CADM2: variants seen among roughly 807,000 people sequenced by gnomAD.
The protein encoded by CADM2 is cell adhesion molecule 2.
Under a neutral mutation model 49.8 loss-of-function variants are expected in CADM2, and 12 were observed. The observed-to-expected ratio is 0.24, with a 90% CI of 0.15 to 0.39. The LOEUF (loss-of-function observed/expected upper bound fraction) is 0.39, where lower values mean the gene tolerates loss of function less well. Among genes scored for constraint, CADM2 ranks in the 10% least tolerant of loss-of-function variants. The probability of loss-of-function intolerance (pLI) is 1.00; values close to 1 mark genes in which losing one functional copy is unlikely to be tolerated. For synonymous variants in CADM2, 214 were observed against 175.4 expected (o/e 1.22, Z -1.74); for missense variants, 378 against 492.3 (o/e 0.77, Z 2.20).
chr3:85,118,056 T>C (rs2038708787), intron 1 of CADM2, among the ~76,000 whole-genome samples: 1 of 152,090 alleles, frequency 6.6e-6, no homozygotes, highest in African/African-American at 2.4e-5. Flanking sequence ...AACTCTTCCC[T>C]GTACTATCCT....
chr3:85,450,954 A>G (rs898391092), intron 1 of CADM2, among the ~76,000 whole-genome samples: 3 of 152,120 alleles, frequency 2.0e-5, no homozygotes, highest in Non-Finnish European at 4.4e-5. Flanking sequence ...GAACAGTTTT[A>G]AATATTAAAT....
At position 86,014,504 on chromosome 3, in the gene CADM2, C is replaced by A. The variant is rs1731962541; in HGVS notation, c.971-51101C>A. The A allele has an allele frequency of 6.1e-5, 95 of 1,547,404 alleles. 1 individual carries two copies. The South Asian group carries it at 1.1e-3, about 18-fold the overall frequency. Reference sequence around the variant, plus strand: ...TTCAAATGAAACTCCCTGGAAAATACCACAGTGTTCACCAAGGTAACTTGG... The same window carrying A: ...TTCAAATGAAACTCCCTGGAAAATAACACAGTGTTCACCAAGGTAACTTGG... On this transcript the variant is annotated intron_variant, in intron 8 of 9. Coordinates refer to ENST00000383699, the MANE Select transcript of CADM2 (RefSeq NM_001167675.2).
chr3:85,843,871 C>A (rs979163314), intron 3 of CADM2, among the ~76,000 whole-genome samples: 6 of 150,412 alleles, frequency 4.0e-5, no homozygotes, highest in Non-Finnish European at 5.9e-5. Flanking sequence ...TCAGAAAGTG[C>A]AGTTTCATGT....
At chr3:85,647,859 G>A (rs373146720) in intron 1 of CADM2, among the ~76,000 whole-genome samples, 2 of 151,648 alleles carry the variant, frequency 1.3e-5, no homozygotes, top group Non-Finnish European at 3.0e-5. Context: ...AAAAATAAAA[G>A]AAAGGAATTG....
chr3:85,253,853 AAC>A (rs1198610110), intron 1 of CADM2, among the ~76,000 whole-genome samples: 1 of 152,132 alleles, frequency 6.6e-6, no homozygotes, highest in African/African-American at 2.4e-5. Context: ...AAGGATAAGA[AAC>A]ACAGAAAAGC....
chr3:85,146,495 G>T (rs997751376), intron 1 of CADM2, among the ~76,000 whole-genome samples: 2 of 151,812 alleles, frequency 1.3e-5, no homozygotes, highest in Admixed American at 6.6e-5. Context: ...ATTTATTCAC[G>T]TATCATGATA....
At chr3:85,008,953 G>T (rs1279942134) in intron 1 of CADM2, among the ~76,000 whole-genome samples, 1 of 152,122 alleles carries the variant, frequency 6.6e-6, no homozygotes, top group Non-Finnish European at 1.5e-5. Context: ...CAAAAGTGAG[G>T]ATCAGGGAAA....
At chr3:85,553,324 A>C (rs2029131) in intron 1 of CADM2, among the ~76,000 whole-genome samples, 77,579 of 151,650 alleles carry the variant, frequency 0.51, 22,891 homozygotes, top group East Asian at 0.85. Flanking sequence ...TTAAACAAAG[A>C]AGATACTATT....
At chr3:84,983,191 C>T (rs886817385) in intron 1 of CADM2, among the ~76,000 whole-genome samples, 3 of 151,916 alleles carry the variant, frequency 2.0e-5, no homozygotes. Flanking sequence ...CATTTTTGTA[C>T]TCTCACTAAA....
intron 1 of CADM2, among the ~76,000 whole-genome samples, chr3:85,311,468 C>T (rs1283375004): frequency 2.6e-5 from 4 of 151,714 alleles, no homozygotes; most frequent in Non-Finnish European, 4.4e-5. Context: ...CTCCGCCTCC[C>T]GGGTTCATGC....
At chr3:85,673,908 A>C (rs1276243677) in intron 1 of CADM2, among the ~76,000 whole-genome samples, 2 of 152,194 alleles carry the variant, frequency 1.3e-5, no homozygotes, top group Non-Finnish European at 2.9e-5. Flanking sequence ...TTGCCATTAA[A>C]AAATTTTAAC....
intron 1 of CADM2, among the ~76,000 whole-genome samples, chr3:85,635,071 C>G (rs961652335): frequency 1.3e-5 from 2 of 152,000 alleles, no homozygotes; most frequent in Non-Finnish European, 1.5e-5. Flanking sequence ...ATATTAAAGG[C>G]TTAAATGAAT....
chr3:85,877,683 TG>T (rs1331072075), intron 3 of CADM2, among the ~76,000 whole-genome samples: 16 of 108,392 alleles, frequency 1.5e-4, no homozygotes, highest in East Asian at 5.5e-4. Context: ...TTTTTTCTTC[TG>T]TTTTTTTTTT....
At chr3:85,701,477 T>A (rs2066751915) in intron 1 of CADM2, among the ~76,000 whole-genome samples, 1 of 141,802 alleles carries the variant, frequency 7.1e-6, no homozygotes, top group Admixed American at 7.0e-5. Flanking sequence ...CTTATTAGGC[T>A]GTATTTTTTT....
chr3:85,569,546 C>T (rs981780648), intron 1 of CADM2, among the ~76,000 whole-genome samples: 2 of 152,134 alleles, frequency 1.3e-5, no homozygotes, highest in Non-Finnish European at 2.9e-5. Flanking sequence ...CAGCAATATA[C>T]GAGTGACCCT....
intron 1 of CADM2, among the ~76,000 whole-genome samples, chr3:85,470,501 A>G (rs1206290455): frequency 1.3e-5 from 2 of 152,200 alleles, no homozygotes; most frequent in Non-Finnish European, 2.9e-5. Flanking sequence ...TTTAGGGAAG[A>G]CTTTGTGAGA....
At chr3:85,895,524 G>C (rs1262256741) in intron 5 of CADM2, among the ~76,000 whole-genome samples, 6 of 152,174 alleles carry the variant, frequency 3.9e-5, no homozygotes, top group Admixed American at 3.9e-4. Context: ...GTGGACTTTT[G>C]AGTTAATGCT....
chr3:85,637,083 TC>T (rs1407270381), intron 1 of CADM2, among the ~76,000 whole-genome samples: 1 of 151,760 alleles, frequency 6.6e-6, no homozygotes, highest in Non-Finnish European at 1.5e-5. Context: ...TTCTACTCTT[TC>T]CTTTTTGGTA....
intron 8 of CADM2, among the ~76,000 whole-genome samples, chr3:86,018,568 T>A (rs1264862168): frequency 6.6e-6 from 1 of 152,214 alleles, no homozygotes; most frequent in Non-Finnish European, 1.5e-5. Context: ...ATGATTGCCA[T>A]TCTAACTGGT....
Sources: gnomAD v4.1 joint callset for allele counts (sites outside exome capture counted in the v4.1 genomes callset) on GRCh38, gnomAD v4.1.1 for gene constraint, MANE v1.5 for transcripts, NCBI Gene and HGNC (gene_info 2026-07-23, HGNC 2026-07-21) for gene names.